The following NRXN3 variants were observed in gnomAD, a reference collection of about 807,000 sequenced individuals.
NRXN3 encodes the protein neurexin III.
A neutral mutation model predicts 137.6 loss-of-function variants in NRXN3; 32 were observed. The ratio of observed to expected loss-of-function variants is 0.23; its 90% CI spans 0.18 to 0.31. NRXN3 has a LOEUF of 0.31. NRXN3 is among the 10% of genes least tolerant of loss of function. The pLI, the probability that NRXN3 is intolerant of heterozygous loss-of-function variation, is 1.00. For synonymous variants in NRXN3, 798 were observed against 784.5 expected, an observed-to-expected ratio of 1.02 and a Z score of -0.29; for missense variants, 1,574 against 2,062.5, an observed-to-expected ratio of 0.76 and a Z score of 4.59.
chr14:79,518,973 A>T (rs932886266), intron 16 of NRXN3, among the ~76,000 whole-genome samples: 4 of 152,132 alleles, frequency 2.6e-5, no homozygotes, highest in African/African-American at 9.7e-5. Context: ...TTTCTATGCC[A>T]CAGAACAATT....
At chr14:79,383,658 G>A (rs756577565) in intron 15 of NRXN3, among the ~76,000 whole-genome samples, 21 of 152,084 alleles carry the variant, frequency 1.4e-4, no homozygotes, top group Non-Finnish European at 1.6e-4. Context: ...GGGACCATCC[G>A]AGTAATAAAT....
At chr14:79,636,979 C>G (rs2098407224) in intron 16 of NRXN3, among the ~76,000 whole-genome samples, 1 of 152,210 alleles carries the variant, frequency 6.6e-6, no homozygotes, top group Non-Finnish European at 1.5e-5. Flanking sequence ...AGGGGTAAGA[C>G]TGTGTAACCA....
chr14:79,775,637 A>C (rs1039612716), intron 19 of NRXN3, among the ~76,000 whole-genome samples: 13 of 151,434 alleles, frequency 8.6e-5, no homozygotes, highest in Non-Finnish European at 1.8e-4. Context: ...TCAGAGGTAG[A>C]GTTCTAGATG....
chr14:79,488,024 A>C (rs1226001917), intron 16 of NRXN3, among the ~76,000 whole-genome samples: 2 of 152,118 alleles, frequency 1.3e-5, no homozygotes, highest in African/African-American at 4.8e-5. Context: ...AGATGTGATA[A>C]TTAGAGATAC....
intron 4 of NRXN3, among the ~76,000 whole-genome samples, chr14:78,557,222 A>ATT (rs377666227): frequency 3.1e-4 from 43 of 136,556 alleles, no homozygotes; most frequent in African/African-American, 8.9e-4. Context: ...ATTTTTTTCT[A>ATT]TTTTTTTTTT....
chr14:78,335,338 ACT>A (rs1168013752), intron 4 of NRXN3, among the ~76,000 whole-genome samples: 5 of 152,134 alleles, frequency 3.3e-5, no homozygotes, highest in Admixed American at 6.5e-5. Flanking sequence ...GCCCTCTGGC[ACT>A]CTGTCAGCTC....
chr14:79,118,443 TA>T (rs753599487), intron 15 of NRXN3, among the ~76,000 whole-genome samples: 2 of 152,210 alleles, frequency 1.3e-5, no homozygotes, highest in Non-Finnish European at 2.9e-5. Flanking sequence ...GCCAAGCATT[TA>T]AGTGTTGATG....
intron 1 of NRXN3, among the ~76,000 whole-genome samples, chr14:78,192,319 G>A (rs900131684): frequency 6.6e-6 from 1 of 152,150 alleles, no homozygotes; most frequent in Non-Finnish European, 1.5e-5. Flanking sequence ...CTGGGAAGGA[G>A]GCAGAGAGGG....
intron 16 of NRXN3, among the ~76,000 whole-genome samples, chr14:79,501,387 C>A (rs1466162975): frequency 6.6e-6 from 1 of 152,116 alleles, no homozygotes; most frequent in African/African-American, 2.4e-5. Flanking sequence ...TACATCTTCC[C>A]CTTTTCTGAT....
intron 15 of NRXN3, among the ~76,000 whole-genome samples, chr14:79,271,406 C>CCCTTTCTTTCCCTTCCCCTTT (rs1473442470): frequency 7.2e-5 from 10 of 139,444 alleles, no homozygotes; most frequent in Non-Finnish European, 1.5e-4. Flanking sequence ...CCTTCCCCTT[C>CCCTTTCTTTCCCTTCCCCTTT]CCTTTCTTTC....
intron 2 of NRXN3, among the ~76,000 whole-genome samples, chr14:78,269,576 T>C (rs1027638754): frequency 2.0e-5 from 3 of 152,190 alleles, no homozygotes; most frequent in Non-Finnish European, 4.4e-5. Context: ...CACTTAAAGA[T>C]GGTTATGATG....
In NRXN3 at chr14:79,798,844, C is replaced by T. The variant is rs184900074; in HGVS notation, c.4015-6268C>T. ...CTCATGCCCAATAATGGATTAATAA[C>T]GAAGAACAGTGTAGAACCATTGCCA... On this transcript the variant is annotated intron_variant, in intron 19 of 20. Transcript: ENST00000335750. Among the ~76,000 whole-genome samples, 42 of 152,202 alleles carry T rather than the reference C, an allele frequency of 2.8e-4. No individual in the cohort carries two copies. In the East Asian group the frequency reaches 5.0e-3, roughly 18 times the overall value.
intron 4 of NRXN3, among the ~76,000 whole-genome samples, chr14:78,456,889 C>T (rs533422661): frequency 1.4e-4 from 21 of 148,958 alleles, no homozygotes; most frequent in East Asian, 1.4e-3. Flanking sequence ...TTCCTTCTTT[C>T]GTTCGTTCAT....
At chr14:79,162,272 C>T (rs1319528775) in intron 15 of NRXN3, among the ~76,000 whole-genome samples, 2 of 149,722 alleles carry the variant, frequency 1.3e-5, no homozygotes, top group African/African-American at 4.9e-5. Context: ...AGGTATATCT[C>T]CCAATGCTAT....
rs923726567 is a variant in NRXN3 at position 79,197,612 on chromosome 14, C to A, written c.3262+209471C>A. Among the ~76,000 whole-genome samples, 4 of 151,168 alleles carry A rather than the reference C, an allele frequency of 2.6e-5. No homozygotes were observed. The East Asian group carries it at 7.8e-4, about 29-fold the overall frequency. Reference sequence around the variant, plus strand: ...ATCTCAAAGGATGTTTGAATGAACTCTAATTATCCGTTGTCTTTGTTGTCG... The same window carrying A: ...ATCTCAAAGGATGTTTGAATGAACTATAATTATCCGTTGTCTTTGTTGTCG... On this transcript the variant is annotated intron_variant, in intron 15 of 20. Coordinates refer to ENST00000335750, the MANE Select transcript of NRXN3 (RefSeq NM_001330195.2).
chr14:78,683,722 AT>A, intron 6 of NRXN3, among the ~76,000 whole-genome samples: 1 of 152,124 alleles, frequency 6.6e-6, no homozygotes, highest in Non-Finnish European at 1.5e-5. Flanking sequence ...GTTGTTGAGA[AT>A]TTTGTATGTC....
At chr14:78,557,434 T>A (rs2096749479) in intron 4 of NRXN3, among the ~76,000 whole-genome samples, 1 of 152,126 alleles carries the variant, frequency 6.6e-6, no homozygotes, top group Non-Finnish European at 1.5e-5. Flanking sequence ...GGAAGGAGCA[T>A]AGTAACTCTA....
At chr14:79,010,558 G>T (rs563108343) in intron 15 of NRXN3, among the ~76,000 whole-genome samples, 96 of 152,194 alleles carry the variant, frequency 6.3e-4, no homozygotes, top group African/African-American at 2.3e-3. Flanking sequence ...GATCCTAGTG[G>T]AATTCTATTT....
Position 79,800,238 on chromosome 14 carries a change from G to A in NRXN3, c.4015-4874G>A, listed in dbSNP as rs1416568497. 3.9e-5 allele frequency among the ~76,000 whole-genome samples: 6 copies of A among 152,284 alleles called. No individual in the cohort carries two copies. The East Asian group carries it at 7.7e-4, about 20-fold the overall frequency. ...ACGCAACTTGATAAACATTCCCAACGTAACTATGAATAGAAGAGTTTCCTA... is the reference window on the plus strand; with the variant it reads ...ACGCAACTTGATAAACATTCCCAACATAACTATGAATAGAAGAGTTTCCTA... On this transcript the variant is annotated intron_variant, in intron 19 of 20. Transcript: ENST00000335750.
Sources: allele counts gnomAD v4.1 joint callset (sites outside exome capture counted in the v4.1 genomes callset), GRCh38; gene constraint gnomAD v4.1.1; transcripts MANE v1.5; gene names NCBI Gene and HGNC (gene_info 2026-07-23, HGNC 2026-07-21).